The following CSMD3 variants were observed in gnomAD, a reference collection of about 807,000 sequenced individuals.
The protein encoded by CSMD3 is CUB and Sushi multiple domains 3, also known as CUB and sushi domain-containing protein 3.
CSMD3 carries 177 observed loss-of-function variants against 435.2 expected under a neutral mutation model. That is an observed-to-expected ratio of 0.41 (90% CI 0.36 to 0.46). The LOEUF (loss-of-function observed/expected upper bound fraction) is 0.46. Among genes scored for constraint, CSMD3 ranks in the 20% least tolerant of loss-of-function variants. CSMD3 has a pLI of 0.34. For missense variants in CSMD3, 4,265 were observed against 4,504.6 expected (o/e 0.95, Z 1.52); for synonymous variants, 1,656 against 1,520.5 (o/e 1.09, Z -2.07).
intron 3 of CSMD3, among the ~76,000 whole-genome samples, chr8:113,217,111 G>C (rs1278846437): frequency 6.6e-6 from 1 of 151,558 alleles, no homozygotes; most frequent in African/African-American, 2.4e-5. Flanking sequence ...TCAGAACCAA[G>C]CCATAACATT....
intron 10 of CSMD3, among the ~76,000 whole-genome samples, chr8:112,920,793 G>A (rs2082710202): frequency 6.6e-6 from 1 of 151,506 alleles, no homozygotes; most frequent in Admixed American, 6.6e-5. Context: ...TTGTGTTAGT[G>A]CCTTTCTTTA....
intron 32 of CSMD3, among the ~76,000 whole-genome samples, chr8:112,445,757 A>G (rs534970057): frequency 2.0e-5 from 3 of 152,342 alleles, no homozygotes; most frequent in East Asian, 1.9e-4. Flanking sequence ...TATATGTGGT[A>G]CAGCCTAAAA....
intron 2 of CSMD3, chr8:113,311,708 G>A (rs1211730257): frequency 2.0e-5 from 3 of 151,952 alleles, no homozygotes; most frequent in Non-Finnish European, 2.9e-5. Flanking sequence ...AGTCTGGAAC[G>A]GGCTGTAGGT....
intron 22 of CSMD3, among the ~76,000 whole-genome samples, chr8:112,603,310 G>A (rs1454300695): frequency 6.6e-6 from 1 of 152,188 alleles, no homozygotes; most frequent in East Asian, 1.9e-4. Flanking sequence ...AAAAATATCT[G>A]AGAAATTACA....
intron 22 of CSMD3, among the ~76,000 whole-genome samples, chr8:112,628,125 T>C (rs1834640440): frequency 6.6e-6 from 1 of 152,154 alleles, no homozygotes; most frequent in African/African-American, 2.4e-5. Flanking sequence ...TGTGTATTGG[T>C]CCCTCGCAAT....
Position 112,517,102 on chromosome 8 carries a change from T to C in CSMD3, c.4688A>G (p.Glu1563Gly). Residue 1563 changes from glutamate to glycine, a missense_variant, in exon 28 of 71, where the codon GAG (glutamate) becomes GGG (glycine). This residue lies in a region of CSMD3 where 3,255 missense variants were observed against 3,380.2 expected (regional missense o/e 0.96). Transcript: ENST00000297405. ...QCDPGYELQG[E>G]ERITCIQVEN... Reference sequence around the variant, plus strand: ...TACCTGAATGCAGGTTATTCTTTCCTCTCCTTGAAGTTCATATCCTGGGTC... The same window carrying C: ...TACCTGAATGCAGGTTATTCTTTCCCCTCCTTGAAGTTCATATCCTGGGTC... The C allele has an allele frequency of 6.2e-7, 1 of 1,613,922 alleles. No individual in the cohort carries two copies. The highest frequency in any genetic ancestry group is 8.5e-7 in the Non-Finnish European group (1 of 1,179,922).
intron 5 of CSMD3, among the ~76,000 whole-genome samples, chr8:113,090,627 A>G (rs1469084484): frequency 1.3e-5 from 2 of 152,088 alleles, no homozygotes; most frequent in Non-Finnish European, 2.9e-5. Flanking sequence ...CCCCATCCAC[A>G]CTGTGCTTTG....
chr8:113,090,899 T>C (rs1161614126), intron 5 of CSMD3, among the ~76,000 whole-genome samples: 1 of 152,078 alleles, frequency 6.6e-6, no homozygotes, highest in Non-Finnish European at 1.5e-5. Context: ...TGCTAAAATA[T>C]CCTAACCTAC....
At position 112,228,836 on chromosome 8, in the gene CSMD3, A is replaced by G. The variant is rs1221305878; in HGVS notation, c.10884T>C (p.Ser3628=). 4.4e-6 allele frequency: 7 copies of G among 1,590,112 alleles called. No individual in the cohort carries two copies. The highest frequency in any genetic ancestry group is 6.0e-6 in the Non-Finnish European group (7 of 1,158,912). ...NSSNQPHGTN[S]SSVAIAILVP... ...CAAGAATAGCAATGGCTACAGAACT[A>G]CTATTTGTACCATGAGGTTGATTTG... The change falls in exon 70 of 71, where the codon AGT becomes AGC. Residue 3628 remains serine (S), a synonymous_variant. Coordinates refer to ENST00000297405, the MANE Select transcript of CSMD3 (RefSeq NM_198123.2).
chr8:113,243,337 T>C (rs971640892), intron 3 of CSMD3, among the ~76,000 whole-genome samples: 1 of 151,932 alleles, frequency 6.6e-6, no homozygotes, highest in African/African-American at 2.4e-5. Context: ...TTCAGAAATA[T>C]TTTATTTATT....
At chr8:112,228,076 G>A (rs1812748606) in intron 70 of CSMD3, among the ~76,000 whole-genome samples, 1 of 151,982 alleles carries the variant, frequency 6.6e-6, no homozygotes, top group Non-Finnish European at 1.5e-5. Context: ...TTGGAGGAAA[G>A]GCATTTAGGT....
intron 29 of CSMD3, 122 bp from the exon 30 acceptor site, chr8:112,504,099 CT>C (rs1184674849): frequency 1.7e-6 from 1 of 602,962 alleles, no homozygotes; most frequent in Non-Finnish European, 2.8e-6. Context: ...ATAAAAGACG[CT>C]GTCAAAATAA....
At chr8:113,291,723 G>C (rs1185020454) in intron 2 of CSMD3, among the ~76,000 whole-genome samples, 1 of 151,788 alleles carries the variant, frequency 6.6e-6, no homozygotes, top group African/African-American at 2.4e-5. Flanking sequence ...ATATGTTATT[G>C]ACTGTACACA....
rs540609400 is a variant in CSMD3 at position 112,312,296 on chromosome 8, C to T, written c.7697-1130G>A. Among the ~76,000 whole-genome samples the T allele has an allele frequency of 2.0e-5, 3 of 152,010 alleles. No homozygotes were observed. In the South Asian group the frequency reaches 6.2e-4, roughly 32 times the overall value. On this transcript the variant is annotated intron_variant, in intron 49 of 70. Transcript: ENST00000297405. ...TGAGAAGAAGTTTCGCTCTTGTTGC[C>T]CAGGCTGGAGTCCAATGGCGCTACC...
At chr8:112,447,269 G>A (rs1473736395) in intron 32 of CSMD3, among the ~76,000 whole-genome samples, 1 of 151,788 alleles carries the variant, frequency 6.6e-6, no homozygotes, top group Non-Finnish European at 1.5e-5. Context: ...TAATGGAAAA[G>A]TTTATACATG....
At chr8:112,545,279 C>T (rs936322638) in intron 27 of CSMD3, among the ~76,000 whole-genome samples, 3 of 151,644 alleles carry the variant, frequency 2.0e-5, no homozygotes, top group Non-Finnish European at 2.9e-5. Context: ...GTCAGGAGAT[C>T]GAGACCATCT....
At chr8:112,283,414 T>C (rs928650581) in intron 58 of CSMD3, among the ~76,000 whole-genome samples, 1 of 151,720 alleles carries the variant, frequency 6.6e-6, no homozygotes, top group Non-Finnish European at 1.5e-5. Context: ...AAAAGAAGTA[T>C]AAGGAAGAAA....
chr8:112,397,005 G>T (rs1404926409), intron 35 of CSMD3, among the ~76,000 whole-genome samples: 2 of 152,102 alleles, frequency 1.3e-5, no homozygotes, highest in African/African-American at 2.4e-5. Flanking sequence ...AGGTTGAAAA[G>T]GAGCACAAAT....
intron 5 of CSMD3, among the ~76,000 whole-genome samples, chr8:113,056,787 A>G (rs2088360578): frequency 6.6e-6 from 1 of 152,168 alleles, no homozygotes; most frequent in Non-Finnish European, 1.5e-5. Flanking sequence ...CACTCTACAA[A>G]TTGGTCTTCA....
Sources: gnomAD v4.1 joint callset for allele counts (sites outside exome capture counted in the v4.1 genomes callset) on GRCh38, gnomAD v4.1.1 for gene constraint, gnomAD v4.1.1 regional missense constraint, MANE v1.5 for transcripts, NCBI Gene and HGNC (gene_info 2026-07-23, HGNC 2026-07-21) for gene names.